Variants in CNTNAP5 observed in about 807,000 individuals in gnomAD.
CNTNAP5 encodes contactin associated protein family member 5.
Under a neutral mutation model 150.2 loss-of-function variants are expected in CNTNAP5, and 72 were observed. The ratio of observed to expected loss-of-function variants is 0.48; its 90% confidence interval spans 0.40 to 0.58. CNTNAP5 has a LOEUF of 0.58. Among genes scored for constraint, CNTNAP5 ranks in the 20% least tolerant of loss-of-function variants. The pLI, the probability that CNTNAP5 is intolerant of heterozygous loss-of-function variation, is 0.00. For synonymous variants in CNTNAP5, 672 were observed against 619.8 expected (o/e 1.08, Z -1.25); for missense variants, 1,636 against 1,626.2 (o/e 1.01, Z -0.10).
intron 13 of CNTNAP5, among the ~76,000 whole-genome samples, chr2:124,737,321 G>A (rs1344166228): frequency 3.3e-5 from 5 of 151,896 alleles, no homozygotes; most frequent in African/African-American, 1.2e-4. Flanking sequence ...GAACGATAGC[G>A]TGATGTTGGA....
At chr2:124,906,449 A>G (rs1678539817) in intron 22 of CNTNAP5, among the ~76,000 whole-genome samples, 1 of 152,102 alleles carries the variant, frequency 6.6e-6, no homozygotes. Flanking sequence ...CAATAGTGGT[A>G]GGTGTTGAAG....
intron 19 of CNTNAP5, among the ~76,000 whole-genome samples, chr2:124,800,322 T>A (rs1161107524): frequency 6.6e-6 from 1 of 152,196 alleles, no homozygotes; most frequent in Admixed American, 6.5e-5. Flanking sequence ...ACAGCTGCCA[T>A]GAAGACAGAC....
At chr2:124,536,308 G>A (rs545689025) in intron 10 of CNTNAP5, among the ~76,000 whole-genome samples, 243 of 152,276 alleles carry the variant, frequency 1.6e-3, no homozygotes, top group Non-Finnish European at 2.6e-3. Context: ...TAGTCTGCAA[G>A]GCCTACCAAG....
intron 1 of CNTNAP5, among the ~76,000 whole-genome samples, chr2:124,146,359 G>A (rs1185260652): frequency 1.3e-5 from 2 of 152,142 alleles, no homozygotes; most frequent in Non-Finnish European, 1.5e-5. Context: ...AGGAATATGA[G>A]AAAATTTTCA....
At chr2:124,490,193 G>C (rs1314117004) in intron 7 of CNTNAP5, among the ~76,000 whole-genome samples, 1 of 152,030 alleles carries the variant, frequency 6.6e-6, no homozygotes, top group African/African-American at 2.4e-5. Flanking sequence ...AATTAGCCAG[G>C]CATGGTGGTG....
intron 19 of CNTNAP5, among the ~76,000 whole-genome samples, chr2:124,848,465 T>TTCA (rs1396414195): frequency 6.6e-6 from 1 of 152,180 alleles, no homozygotes; most frequent in East Asian, 1.9e-4. Context: ...TGTTGAAATA[T>TTCA]ACATGAGGTG....
intron 8 of CNTNAP5, among the ~76,000 whole-genome samples, chr2:124,517,233 G>C (rs1270078846): frequency 1.3e-5 from 2 of 151,242 alleles, no homozygotes; most frequent in African/African-American, 4.9e-5. Flanking sequence ...TGTGGTATTA[G>C]TGATGGGAGA....
At chr2:124,735,417 T>C (rs1345485056) in intron 13 of CNTNAP5, among the ~76,000 whole-genome samples, 1 of 144,408 alleles carries the variant, frequency 6.9e-6, no homozygotes, top group African/African-American at 2.5e-5. Flanking sequence ...AGAACAATTA[T>C]TTCTACAAGA....
At chr2:124,362,828 C>A (rs932116717) in intron 3 of CNTNAP5, among the ~76,000 whole-genome samples, 1 of 152,156 alleles carries the variant, frequency 6.6e-6, no homozygotes, top group African/African-American at 2.4e-5. Flanking sequence ...TGAGCACACA[C>A]CACACTCTCA....
At chr2:124,746,591 T>A (rs974865956) in intron 13 of CNTNAP5, among the ~76,000 whole-genome samples, 7 of 152,160 alleles carry the variant, frequency 4.6e-5, no homozygotes, top group African/African-American at 1.7e-4. Flanking sequence ...GCAGGGCTAC[T>A]ATTATCCTGA....
At chr2:124,713,243 C>CTTTCTTTCTTTCTTTTTT (rs1280851827) in intron 13 of CNTNAP5, among the ~76,000 whole-genome samples, 1 of 65,162 alleles carries the variant, frequency 1.5e-5, no homozygotes, top group Admixed American at 1.6e-4. Context: ...TTCTTTCTTT[C>CTTTCTTTCTTTCTTTTTT]TCTTTCTTTC....
At chr2:124,572,313 G>A (rs1014918980) in intron 11 of CNTNAP5, among the ~76,000 whole-genome samples, 5 of 152,028 alleles carry the variant, frequency 3.3e-5, no homozygotes, top group Non-Finnish European at 5.9e-5. Flanking sequence ...CTACCTGAGG[G>A]TGGTGGGGTG....
At chr2:124,677,052 C>A (rs1678956589) in intron 13 of CNTNAP5, among the ~76,000 whole-genome samples, 1 of 152,242 alleles carries the variant, frequency 6.6e-6, no homozygotes, top group East Asian at 1.9e-4. Flanking sequence ...TCACTGACTT[C>A]AAGAATAAAG....
chr2:124,750,097 G>C (rs1050708396), intron 14 of CNTNAP5, among the ~76,000 whole-genome samples: 16 of 152,128 alleles, frequency 1.1e-4, no homozygotes, highest in African/African-American at 3.9e-4. Context: ...CATTCCAGAA[G>C]TTATTACATA....
At chr2:124,218,040 A>G (rs1293079535) in intron 1 of CNTNAP5, among the ~76,000 whole-genome samples, 1 of 152,102 alleles carries the variant, frequency 6.6e-6, no homozygotes, top group African/African-American at 2.4e-5. Context: ...AACAAAACAA[A>G]CAAGTTTATT....
At chr2:124,739,869 T>C (rs1161248365) in intron 13 of CNTNAP5, among the ~76,000 whole-genome samples, 1 of 152,048 alleles carries the variant, frequency 6.6e-6, no homozygotes, top group Non-Finnish European at 1.5e-5. Context: ...TTAACTGCTC[T>C]CTTTGGCACT....
chr2:124,639,813 A>C (rs1678051500), intron 12 of CNTNAP5, among the ~76,000 whole-genome samples: 1 of 152,154 alleles, frequency 6.6e-6, no homozygotes, highest in Non-Finnish European at 1.5e-5. Flanking sequence ...AACACTTATC[A>C]ACAGCCTCAC....
intron 3 of CNTNAP5, among the ~76,000 whole-genome samples, chr2:124,408,461 C>T (rs1326289280): frequency 1.3e-5 from 2 of 149,324 alleles, no homozygotes; most frequent in Non-Finnish European, 3.0e-5. Flanking sequence ...ACAGCAGTAA[C>T]CTCTGCAGAC....
At chr2:124,760,997 C>A (rs530778863) in intron 14 of CNTNAP5, among the ~76,000 whole-genome samples, 2 of 152,074 alleles carry the variant, frequency 1.3e-5, no homozygotes, top group Non-Finnish European at 2.9e-5. Flanking sequence ...GTCGTCTGAT[C>A]CCAGCGACAG....
Sources: gnomAD v4.1 joint callset for allele counts (sites outside exome capture counted in the v4.1 genomes callset) on GRCh38, gnomAD v4.1.1 for gene constraint, MANE v1.5 for transcripts, NCBI Gene and HGNC (gene_info 2026-07-23, HGNC 2026-07-21) for gene names.